The following APOB variants were observed in gnomAD, a reference collection of about 807,000 sequenced individuals.
APOB encodes apolipoprotein B.
In APOB, 153 loss-of-function variants were observed where a neutral mutation model predicts 314.1. The observed-to-expected ratio is 0.49, with a 90% CI of 0.43 to 0.56. The LOEUF is 0.56. Ranked by LOEUF, APOB falls within the 20% of genes least tolerant of loss-of-function variation. APOB has a pLI of 0.00. For synonymous variants in APOB, 2,087 were observed against 2,036.4 expected (o/e 1.02, Z -0.67); for missense variants, 5,430 against 5,350.7 (o/e 1.01, Z -0.46).
At chr2:21,016,682 G>A (rs746689137) in intron 20 of APOB, 33 bp from the exon 21 acceptor site, 9 of 1,427,208 alleles carry the variant, frequency 6.3e-6, no homozygotes, top group Admixed American at 3.3e-5. Context: ...CAAGAGATGT[G>A]TGGTAAGAAG....
At position 21,010,236 on chromosome 2, in the gene APOB, C is replaced by T; in HGVS notation, c.6632G>A (p.Ser2211Asn). The change falls in exon 26 of 29, where the codon AGT becomes AAT. Residue 2211 changes from serine to asparagine, a missense_variant. By Grantham distance (46) the Ser-to-Asn change is conservative. This residue lies in a region of APOB where 3,281 missense variants were observed against 3,171.0 expected (regional missense o/e 1.03). Coordinates refer to ENST00000233242, the MANE Select transcript of APOB (RefSeq NM_000384.3). Reference protein sequence around the residue: ...IIDEIIEKLKSLDEHYHIRVN... With the variant: ...IIDEIIEKLKNLDEHYHIRVN... ...ACGGATATGATAGTGCTCATCAAGA[C>T]TTTTTAATTTTTCAATGATTTCATC... 6.4e-7 allele frequency: 1 copy of T among 1,559,198 alleles called. No homozygotes were observed. Among genetic ancestry groups the T allele is most frequent in the Non-Finnish European group, 8.7e-7 (1 of 1,154,282 alleles).
At chr2:21,015,697 C>T in intron 21 of APOB, 152 bp from the exon 22 acceptor site, 1 of 860,928 alleles carries the variant, frequency 1.2e-6, no homozygotes, top group Non-Finnish European at 1.9e-6. Context: ...ACTTCTAAAG[C>T]CAACATTCAG....
chr2:21,020,809 G>T (rs183758082), intron 18 of APOB, among the ~76,000 whole-genome samples: 1 of 152,284 alleles, frequency 6.6e-6, no homozygotes, highest in East Asian at 1.9e-4. Flanking sequence ...GCCAGCTTTC[G>T]CCTACCCATG....
chr2:21,006,701 T>G lies in APOB; in HGVS notation c.10167A>C (p.Arg3389Ser), dbSNP rs751548266. Residue 3389 changes from arginine to serine, a missense_variant, in exon 26 of 29, where the codon AGA (arginine) becomes AGC (serine). Coordinates refer to ENST00000233242, the MANE Select transcript of APOB (RefSeq NM_000384.3). The part of the protein sequence containing the change: ...YKLEGTTRLT[R>S]KRGLKLATAL... ...CTGTGGCTAACTTCAATCCCCTTTT[T>G]CTTGTCAATCTTGTGGTGCCCTCTA... The G allele has an allele frequency of 3.1e-6, 5 of 1,614,090 alleles. No homozygotes were observed. Among genetic ancestry groups the G allele is most frequent in the Non-Finnish European group, 4.2e-6 (5 of 1,179,972 alleles).
chr2:21,002,115 A>G lies in APOB; in HGVS notation c.13307T>C (p.Leu4436Pro), dbSNP rs374044926. The change falls in exon 29 of 29, where the codon CTC (leucine) becomes CCC (proline). Residue 4436 changes from leucine to proline, a missense_variant. By Grantham distance (98) the Leu-to-Pro change is moderately conservative. Around this residue, in one of 3 missense-constraint regions of APOB, gnomAD observed 3,281 missense variants for 3,171.0 expected, o/e 1.03. Coordinates refer to ENST00000233242, the MANE Select transcript of APOB (RefSeq NM_000384.3). Reference sequence around the variant, plus strand: ...CAGAAATTGCTCAACTTGACTTGAGAGTTGGGAAGTAAAGTTAGAGGCACT... The same window carrying G: ...CAGAAATTGCTCAACTTGACTTGAGGGTTGGGAAGTAAAGTTAGAGGCACT... ...IVSASNFTSQ[L>P]SSQVEQFLHR... 4 of 1,613,936 alleles carry G rather than the reference A, an allele frequency of 2.5e-6. No individual in the cohort carries two copies. The highest frequency in any genetic ancestry group is 3.4e-6 in the Non-Finnish European group (4 of 1,179,984).
intron 12 of APOB, among the ~76,000 whole-genome samples, 194 bp downstream of exon 12, chr2:21,029,445 C>T (rs567362048): frequency 8.6e-5 from 13 of 150,876 alleles, no homozygotes; most frequent in Non-Finnish European, 1.3e-4. Context: ...GAGTGAGATT[C>T]CATCTCGAAA....
rs12720822 is a variant in APOB, at chr2:21,018,283, T to G, written c.3121+709A>C. Among the ~76,000 whole-genome samples the G allele has an allele frequency of 8.5e-3, 1,297 of 152,328 alleles. 18 individuals are homozygous for G. The highest frequency in any genetic ancestry group is 0.029 in the African/African-American group (1,207 of 41,584). On this transcript the variant is annotated intron_variant, in intron 20 of 28. Coordinates refer to ENST00000233242, the MANE Select transcript of APOB (RefSeq NM_000384.3). ...TAGTTTCTCTGCCCTTGTCTGCCCATAGTCTTTTCTCAACATAAACATAAA... is the reference window on the plus strand; with the variant it reads ...TAGTTTCTCTGCCCTTGTCTGCCCAGAGTCTTTTCTCAACATAAACATAAA...
intron 24 of APOB, among the ~76,000 whole-genome samples, chr2:21,013,916 C>T (rs1663403025): frequency 6.6e-6 from 1 of 152,208 alleles, no homozygotes; most frequent in Non-Finnish European, 1.5e-5. Flanking sequence ...ATACCTTACC[C>T]AGTTTCTATC....
intron 4 of APOB, 105 bp from the exon 5 acceptor site, chr2:21,038,216 A>G (rs1405765694): frequency 2.4e-6 from 3 of 1,230,396 alleles, no homozygotes; most frequent in African/African-American, 1.5e-5. Flanking sequence ...TTTTTAACCA[A>G]TTGTTCTTCT....
At chr2:21,034,703 G>T in intron 8 of APOB, 113 bp downstream of exon 8, 1 of 773,436 alleles carries the variant, frequency 1.3e-6, no homozygotes, top group South Asian at 1.4e-5. Flanking sequence ...GAACACCAGT[G>T]TCTGTATCAC....
At position 21,029,929 on chromosome 2, in the gene APOB, C is replaced by G; in HGVS notation, c.1439G>C (p.Gly480Ala). The change falls in exon 11 of 29, where the codon GGG becomes GCG. Residue 480 changes from glycine (G) to alanine (A), a missense_variant. Gly to Ala is a moderately conservative substitution (Grantham distance 60, BLOSUM62 0). This residue lies in a region of APOB where 2,085 missense variants were observed against 2,079.7 expected (regional missense o/e 1.00). Coordinates refer to ENST00000233242, the MANE Select transcript of APOB (RefSeq NM_000384.3). ...LMEQIQDDCT[G>A]DEDYTYLILR... is the part of the protein sequence containing the mutation. ...AATCAAATAGGTGTAATCTTCATCC[C>G]CAGTGCAGTCATCTTGAATCTGTTC... is the stretch of plus-strand genomic sequence containing the variant. The G allele has an allele frequency of 6.2e-7, 1 of 1,613,800 alleles. No individual in the cohort carries two copies. The highest frequency in any genetic ancestry group is 8.5e-7 in the Non-Finnish European group (1 of 1,179,774).
Position 21,008,484 on chromosome 2 carries a change from G to T in APOB, c.8384C>A (p.Ala2795Asp). Residue 2795 changes from alanine to aspartate, a missense_variant, in exon 26 of 29, where the codon GCC (alanine) becomes GAC (aspartate). Transcript: ENST00000233242. ...AACTTCTAATTTGGACTCTCCTTTG[G>T]CAGTGATGGAAGCTGCGATACCTGC... ...NEAGIAASIT[A>D]KGESKLEVLN... The T allele has an allele frequency of 1.9e-6, 3 of 1,614,038 alleles. No individual in the cohort carries two copies. Among genetic ancestry groups the T allele is most frequent in the Non-Finnish European group, 2.5e-6 (3 of 1,179,974 alleles).
chr2:21,003,112 G>A lies in APOB; in HGVS notation c.12310C>T (p.Leu4104=), dbSNP rs199668351. 1 of 1,603,138 alleles carries A rather than the reference G, an allele frequency of 6.2e-7. No individual in the cohort carries two copies. Among genetic ancestry groups the A allele is most frequent in the Non-Finnish European group, 8.5e-7 (1 of 1,173,498 alleles). The stretch of plus-strand genomic sequence containing the variant: ...GCATTGTTCTGCAGATTTCTTCTCA[G>A]CTTTGAAGACACTTCTCTCAGGGTG... ...GLTLREVSSK[L]RRNLQNNAEW... The change falls in exon 29 of 29, where the codon CTG becomes TTG. Residue 4104 remains leucine (L), a synonymous_variant. Coordinates refer to ENST00000233242, the MANE Select transcript of APOB (RefSeq NM_000384.3).
In APOB at chr2:21,013,233, G is replaced by A. The variant is rs754597311; in HGVS notation, c.4143C>T (p.Asp1381=). The part of the protein sequence containing the change: ...ASYSGGNTST[D]HFSLRARYHM... ...GGTAACGAGCCCGAAGGCTGAAATG[G>A]TCTGTGCTGGTGTTGCCACCACTGT... The change falls in exon 25 of 29, where the codon GAC becomes GAT. Residue 1381 remains aspartate (D), a synonymous_variant. Coordinates refer to ENST00000233242, the MANE Select transcript of APOB (RefSeq NM_000384.3). The A allele has an allele frequency of 6.2e-7, 1 of 1,614,072 alleles. No individual in the cohort carries two copies.
Position 21,012,377 on chromosome 2 carries a change from A to G in APOB, c.4491T>C (p.Ala1497=), listed in dbSNP as rs1394752407. The G allele has an allele frequency of 1.2e-6, 2 of 1,614,208 alleles. No homozygotes were observed. The highest frequency in any genetic ancestry group is 1.7e-6 in the Non-Finnish European group (2 of 1,180,030). The part of the protein sequence containing the change: ...DGQFRVSSFY[A]KGTYGLSCQR... ...GACAAGACAGGCCATATGTGCCTTT[A>G]GCATAGAACGAAGAGACTCTGAACT... is the stretch of plus-strand genomic sequence containing the variant. Residue 1497 remains alanine, a synonymous_variant, in exon 26 of 29, where the codon GCT becomes GCC. Transcript: ENST00000233242.
At position 21,013,227 on chromosome 2, in the gene APOB, G is replaced by A. The variant is rs765973409; in HGVS notation, c.4149C>T (p.Phe1383=). The A allele has an allele frequency of 1.7e-5, 27 of 1,614,078 alleles. 1 individual carries two copies. In the South Asian group the frequency reaches 2.9e-4, roughly 17 times the overall value. The part of the protein sequence containing the change: ...YSGGNTSTDH[F]SLRARYHMKA... ...TCATGTGGTAACGAGCCCGAAGGCT[G>A]AAATGGTCTGTGCTGGTGTTGCCAC... Residue 1383 remains phenylalanine, a synonymous_variant, in exon 25 of 29, where the codon TTC becomes TTT. Coordinates refer to ENST00000233242, the MANE Select transcript of APOB (RefSeq NM_000384.3).
chr2:21,042,430 A>G lies in APOB; in HGVS notation c.168T>C (p.Tyr56=), dbSNP rs761116238. The part of the protein sequence containing the change: ...FKHLRKYTYN[Y]EAESSSGVPG... ...GGACTCCACTGGAACTCTCAGCCTC[A>G]TAGTTGTATGTGTACTTCCGGAGGT... The change falls in exon 3 of 29, where the codon TAT becomes TAC. Residue 56 remains tyrosine (Y), a synonymous_variant. Coordinates refer to ENST00000233242, the MANE Select transcript of APOB (RefSeq NM_000384.3). 75 of 1,614,014 alleles carry G rather than the reference A, an allele frequency of 4.6e-5. No homozygotes were observed. The South Asian group carries it at 7.8e-4, about 17-fold the overall frequency.
At chr2:21,040,400 C>A (rs1435531521) in intron 4 of APOB, among the ~76,000 whole-genome samples, 1 of 152,186 alleles carries the variant, frequency 6.6e-6, no homozygotes, top group Non-Finnish European at 1.5e-5. Context: ...GAGGATGAGG[C>A]AGGGGTGATG....
At position 21,007,732 on chromosome 2, in the gene APOB, T is replaced by A; in HGVS notation, c.9136A>T (p.Ile3046Phe). ...CCTTCATTGTTTGTGGATGCCGTGA[T>A]CTCAAATGGCTGGGCTGAAAAGAAA... Reference protein sequence around the residue: ...SLFFSAQPFEITASTNNEGNL... With the variant: ...SLFFSAQPFEFTASTNNEGNL... Residue 3046 changes from isoleucine to phenylalanine, a missense_variant, in exon 26 of 29, where the codon ATC (isoleucine) becomes TTC (phenylalanine). Transcript: ENST00000233242. The A allele has an allele frequency of 2.5e-6, 4 of 1,614,136 alleles. No individual in the cohort carries two copies. Among genetic ancestry groups the A allele is most frequent in the Non-Finnish European group, 3.4e-6 (4 of 1,179,964 alleles).
Sources: gnomAD v4.1 joint callset for allele counts (sites outside exome capture counted in the v4.1 genomes callset) on GRCh38, gnomAD v4.1.1 for gene constraint, gnomAD v4.1.1 regional missense constraint, MANE v1.5 for transcripts, NCBI Gene and HGNC (gene_info 2026-07-23, HGNC 2026-07-21) for gene names.